Variants in MYO5A observed in about 807,000 individuals in gnomAD.
MYO5A encodes the protein myosin VA.
Under a neutral mutation model 249.7 loss-of-function variants are expected in MYO5A, and 98 were observed. That is an observed-to-expected ratio of 0.39 (90% CI 0.33 to 0.46). MYO5A has a LOEUF of 0.46. MYO5A is among the 20% of genes least tolerant of loss of function. MYO5A has a pLI of 0.98. For synonymous variants in MYO5A, 778 were observed against 810.6 expected (o/e 0.96, Z 0.68); for missense variants, 1,696 against 2,308.8 (o/e 0.73, Z 5.44).
At chr15:52,394,620 G>A (rs1326901503) in intron 11 of MYO5A, among the ~76,000 whole-genome samples, 2 of 152,110 alleles carry the variant, frequency 1.3e-5, no homozygotes, top group African/African-American at 2.4e-5. Flanking sequence ...AGAAACAGGT[G>A]GATAGAGACA....
intron 1 of MYO5A, among the ~76,000 whole-genome samples, chr15:52,455,373 C>A (rs745866154): frequency 1.3e-5 from 2 of 151,946 alleles, no homozygotes; most frequent in Non-Finnish European, 2.9e-5. Context: ...CTGAATTCTA[C>A]CAAGCAGTTA....
At chr15:52,461,034 C>T (rs2076238026) in intron 1 of MYO5A, among the ~76,000 whole-genome samples, 2 of 149,442 alleles carry the variant, frequency 1.3e-5, no homozygotes, top group Non-Finnish European at 2.9e-5. Flanking sequence ...TCACTGCAGC[C>T]TCAACCTTCC....
intron 1 of MYO5A, among the ~76,000 whole-genome samples, chr15:52,472,929 A>G (rs936884539): frequency 5.3e-5 from 8 of 152,214 alleles, no homozygotes; most frequent in Non-Finnish European, 1.2e-4. Flanking sequence ...GGCTGGGTCA[A>G]ATGGTATTTC....
At chr15:52,497,967 T>C (rs2077075969) in intron 1 of MYO5A, among the ~76,000 whole-genome samples, 1 of 151,858 alleles carries the variant, frequency 6.6e-6, no homozygotes, top group Admixed American at 6.6e-5. Flanking sequence ...TCGAGGGAAA[T>C]TTACATCCTT....
At chr15:52,324,090 G>A (rs1221756538) in intron 36 of MYO5A, among the ~76,000 whole-genome samples, 1 of 148,520 alleles carries the variant, frequency 6.7e-6, no homozygotes, top group Admixed American at 6.8e-5. Flanking sequence ...GGTTAATGAT[G>A]GGAATCAGAA....
chr15:52,410,734 C>T (rs962257780), intron 5 of MYO5A, among the ~76,000 whole-genome samples: 2 of 152,018 alleles, frequency 1.3e-5, no homozygotes, highest in South Asian at 2.1e-4. Context: ...CATGCCACCA[C>T]GCCCAGCTAA....
rs1000703820 is a variant in MYO5A, at chr15:52,311,332, G to T, written c.*2364C>A. On this transcript the variant is annotated 3_prime_UTR_variant, in exon 42 of 42. Coordinates refer to ENST00000399233, the MANE Select transcript of MYO5A (RefSeq NM_001382347.1). ...GCCTGTACCACGTTGCATTTTCTTA[G>T]CAACTCCCCAACTTACAGCCTATCG... The T allele has an allele frequency of 5.9e-5, 9 of 152,156 alleles. No homozygotes were observed. Among genetic ancestry groups the T allele is most frequent in the African/African-American group, 1.9e-4 (8 of 41,430 alleles). The allele number at this position is 152,156 out of a possible 1,614,324, so 9.4% of individuals were successfully genotyped here. A position where few individuals can be genotyped will look rare whatever the true frequency, so the allele number is the denominator to read the frequency against.
intron 40 of MYO5A, among the ~76,000 whole-genome samples, chr15:52,315,470 G>T (rs1356936128): frequency 6.6e-6 from 1 of 151,766 alleles, no homozygotes; most frequent in Non-Finnish European, 1.5e-5. Flanking sequence ...TGCCTCCCAG[G>T]TTCAAGTCAT....
chr15:52,473,617 A>G (rs574279454), intron 1 of MYO5A, among the ~76,000 whole-genome samples: 24 of 152,304 alleles, frequency 1.6e-4, no homozygotes, highest in Admixed American at 5.9e-4. Flanking sequence ...ACATATGGCT[A>G]CCCAGTTTTC....
intron 36 of MYO5A, among the ~76,000 whole-genome samples, chr15:52,326,599 G>A (rs982620676): frequency 6.6e-6 from 1 of 152,146 alleles, no homozygotes; most frequent in South Asian, 2.1e-4. Flanking sequence ...GTTTCAGTTG[G>A]GGAGAATGAA....
chr15:52,323,495 C>G, intron 36 of MYO5A, 51 bp from the exon 37 acceptor site: 1 of 1,422,420 alleles, frequency 7.0e-7, no homozygotes, highest in Admixed American at 1.7e-5. Context: ...GAAATAACAA[C>G]CTAAAAAAAA....
rs2077262057 is a variant in MYO5A at position 52,505,991 on chromosome 15, A to AT, written c.27+22788dup. 23 of 786,240 alleles carry AT rather than the reference A, an allele frequency of 2.9e-5. No individual in the cohort carries two copies. In the South Asian group the frequency reaches 4.0e-4, roughly 14 times the overall value. The allele number at this position is 786,240 out of a possible 1,614,324, so 48.7% of individuals were successfully genotyped here. On this transcript the variant is annotated intron_variant, in intron 1 of 41. Transcript: ENST00000399233. The stretch of plus-strand genomic sequence containing the variant: ...CACTTTGGGAGGCTGAGGAGGGCAG[A>AT]TATCTTGAGGTCAGGAGTTCGAGAC...
chr15:52,425,857 G>C lies in MYO5A; in HGVS notation c.428C>G (p.Ala143Gly). 6.2e-7 allele frequency: 1 copy of C among 1,614,038 alleles called. No individual in the cohort carries two copies. The highest frequency in any genetic ancestry group is 1.3e-5 in the African/African-American group (1 of 75,032). Residue 143 changes from alanine to glycine, a missense_variant, in exon 4 of 42, where the codon GCT (alanine) becomes GGT (glycine). Coordinates refer to ENST00000399233, the MANE Select transcript of MYO5A (RefSeq NM_001382347.1). ...GGCCATTTGCTTGTAAGCTTCTTCA[G>C]CTACTGCAAAGATATGTGGATCCAT... ...GDMDPHIFAV[A>G]EEAYKQMARD...
chr15:52,342,998 C>T (rs2039451440), intron 31 of MYO5A, 119 bp downstream of exon 31: 1 of 813,064 alleles, frequency 1.2e-6, no homozygotes, highest in Non-Finnish European at 2.1e-6. Flanking sequence ...ATTACTAACA[C>T]TAATTTACCC....
intron 1 of MYO5A, chr15:52,505,404 G>C (rs2077248323): frequency 1.2e-6 from 1 of 800,090 alleles, no homozygotes; most frequent in African/African-American, 1.7e-5. Flanking sequence ...TGCCAGGAGT[G>C]AAGAAAGCTT....
intron 6 of MYO5A, among the ~76,000 whole-genome samples, chr15:52,409,622 A>G (rs1466395189): frequency 2.0e-5 from 3 of 152,186 alleles, no homozygotes; most frequent in Non-Finnish European, 4.4e-5. Context: ...TTGAACCTCA[A>G]TGCAGTGGGC....
intron 1 of MYO5A, among the ~76,000 whole-genome samples, chr15:52,515,971 T>C (rs1305734606): frequency 6.6e-6 from 1 of 152,156 alleles, no homozygotes. Flanking sequence ...TAGTAATAAC[T>C]AATACTTGTA....
chr15:52,513,859 A>G (rs1250164395), intron 1 of MYO5A, among the ~76,000 whole-genome samples: 3 of 152,228 alleles, frequency 2.0e-5, no homozygotes, highest in Non-Finnish European at 4.4e-5. Flanking sequence ...TCCTCATAGC[A>G]TGGGTTGAAA....
At chr15:52,406,301 G>C (rs1197749430) in intron 8 of MYO5A, among the ~76,000 whole-genome samples, 1 of 151,994 alleles carries the variant, frequency 6.6e-6, no homozygotes, top group Non-Finnish European at 1.5e-5. Flanking sequence ...GTCTCACTCT[G>C]TCACCCAGGC....
Sources: allele counts gnomAD v4.1 joint callset (sites outside exome capture counted in the v4.1 genomes callset), GRCh38; gene constraint gnomAD v4.1.1; transcripts MANE v1.5; gene names NCBI Gene and HGNC (gene_info 2026-07-23, HGNC 2026-07-21).